Variants in PRIM2 observed in about 807,000 individuals in gnomAD.
The protein encoded by PRIM2 is DNA primase subunit 2.
A neutral mutation model predicts 67.3 loss-of-function variants in PRIM2; 39 were observed. The observed-to-expected ratio is 0.58, with a 90% CI of 0.45 to 0.76. The LOEUF is 0.76. PRIM2 is among the 30% of genes least tolerant of loss of function. The probability of loss-of-function intolerance (pLI) is 0.00; values close to 1 mark genes in which losing one functional copy is unlikely to be tolerated. For missense variants in PRIM2, 398 were observed against 598.7 expected (o/e 0.66, Z 3.50); for synonymous variants, 143 against 198.7 (o/e 0.72, Z 2.36).
chr6:57,240,301 A>G, the PRIM2 span, among the ~76,000 whole-genome samples: 3 of 151,912 alleles, frequency 2.0e-5, no homozygotes, highest in South Asian at 2.1e-4. Flanking sequence ...GGGCTTCTCT[A>G]TGTTGGTTAG....
intron 5 of PRIM2, among the ~76,000 whole-genome samples, chr6:57,358,452 C>T (rs1383217112): frequency 6.6e-6 from 1 of 152,160 alleles, no homozygotes; most frequent in Non-Finnish European, 1.5e-5. Flanking sequence ...CAAAATCCTT[C>T]AAGAAGGTTG....
chr6:57,444,539 C>A (rs533678114), intron 7 of PRIM2, among the ~76,000 whole-genome samples: 29 of 150,872 alleles, frequency 1.9e-4, no homozygotes, highest in Admixed American at 1.8e-3. Flanking sequence ...TGCATTCCAG[C>A]CTGGGTGACA....
chr6:57,251,225 T>G, the PRIM2 span, among the ~76,000 whole-genome samples: 1 of 152,192 alleles, frequency 6.6e-6, no homozygotes, highest in Non-Finnish European at 1.5e-5. Flanking sequence ...TAGACAAGAT[T>G]TTTAAAAAAA....
At chr6:57,239,101 C>T in the PRIM2 span, among the ~76,000 whole-genome samples, 1 of 152,126 alleles carries the variant, frequency 6.6e-6, no homozygotes, top group Non-Finnish European at 1.5e-5. Context: ...AGCGATTCTC[C>T]TGCCTCCACA....
intron 5 of PRIM2, among the ~76,000 whole-genome samples, chr6:57,357,293 C>T (rs1769060765): frequency 6.6e-6 from 1 of 152,104 alleles, no homozygotes; most frequent in African/African-American, 2.4e-5. Flanking sequence ...TATGCTACAG[C>T]CCCTCCCCAA....
chr6:57,534,684 A>G (rs1168612537), intron 9 of PRIM2, among the ~76,000 whole-genome samples: 12 of 152,146 alleles, frequency 7.9e-5, no homozygotes, highest in African/African-American at 2.4e-4. Context: ...ACTTAAATCC[A>G]AACTCATGTT....
At position 57,324,278 on chromosome 6, in the gene PRIM2, G is replaced by A. The variant is rs1767765313; in HGVS notation, c.336G>A (p.Gln112=). The A allele has an allele frequency of 6.3e-7, 1 of 1,578,308 alleles. No homozygotes were observed. Among genetic ancestry groups the A allele is most frequent in the Non-Finnish European group, 8.7e-7 (1 of 1,153,804 alleles). ...SHFILRLAYC[Q]SEELRRWFIQ... ...TTATTTTGCGGCTTGCTTATTGCCA[G>A]TCGTAAGTATATGTTTATATTCTCA... is the stretch of plus-strand genomic sequence containing the variant. The change falls in exon 4 of 14, where the codon CAG becomes CAA. Residue 112 remains glutamine (Q), a splice_region_variant and synonymous_variant. Transcript: ENST00000615550.
chr6:57,321,175 C>G (rs1043169771), intron 3 of PRIM2, among the ~76,000 whole-genome samples: 7 of 152,094 alleles, frequency 4.6e-5, no homozygotes, highest in Non-Finnish European at 1.0e-4. Context: ...AAGGTAGAAT[C>G]AAAAGGTTTT....
intron 5 of PRIM2, among the ~76,000 whole-genome samples, chr6:57,342,889 C>T (rs1021634139): frequency 6.6e-5 from 10 of 152,154 alleles, no homozygotes; most frequent in African/African-American, 2.4e-4. Context: ...TATCCTGAGC[C>T]TGACATCTAA....
the PRIM2 span, among the ~76,000 whole-genome samples, chr6:57,277,776 C>T: frequency 2.0e-5 from 3 of 151,606 alleles, no homozygotes; most frequent in African/African-American, 7.3e-5. Flanking sequence ...GTCAGGAGAT[C>T]GAGACCATCC....
At chr6:57,495,204 T>C (rs1292603528) in intron 7 of PRIM2, among the ~76,000 whole-genome samples, 7 of 152,200 alleles carry the variant, frequency 4.6e-5, no homozygotes, top group Non-Finnish European at 7.3e-5. Flanking sequence ...AAAGAAAAAC[T>C]GTAGTATTAG....
At chr6:57,441,207 A>G (rs1772193771) in intron 7 of PRIM2, among the ~76,000 whole-genome samples, 1 of 152,170 alleles carries the variant, frequency 6.6e-6, no homozygotes, top group Admixed American at 6.5e-5. Flanking sequence ...GAGAAGCCCA[A>G]TCAAGAAGAT....
intron 7 of PRIM2, among the ~76,000 whole-genome samples, chr6:57,404,722 A>G (rs1770824848): frequency 1.3e-5 from 2 of 151,210 alleles, no homozygotes; most frequent in African/African-American, 4.9e-5. Flanking sequence ...TTGCTTCAAA[A>G]TTTATGATGC....
At chr6:57,402,177 A>G (rs1028021084) in intron 7 of PRIM2, among the ~76,000 whole-genome samples, 1 of 152,164 alleles carries the variant, frequency 6.6e-6, no homozygotes, top group Non-Finnish European at 1.5e-5. Flanking sequence ...GTCACCTTGG[A>G]TTTTCCAGTA....
the PRIM2 span, among the ~76,000 whole-genome samples, chr6:57,227,641 C>CAAA: frequency 8.2e-4 from 69 of 83,986 alleles, no homozygotes; most frequent in Non-Finnish European, 1.2e-3. Flanking sequence ...GAGACCATCT[C>CAAA]AAAAAAAAAA....
the PRIM2 span, among the ~76,000 whole-genome samples, chr6:57,257,700 C>T: frequency 6.6e-6 from 1 of 152,124 alleles, no homozygotes; most frequent in Non-Finnish European, 1.5e-5. Context: ...TCTAACTGTA[C>T]CCTGGGGCAA....
At chr6:57,630,334 T>C (rs1777019874) in intron 12 of PRIM2, among the ~76,000 whole-genome samples, 1 of 152,146 alleles carries the variant, frequency 6.6e-6, no homozygotes, top group Non-Finnish European at 1.5e-5. Context: ...GGAAGAGCCC[T>C]CTCTGCGAGT....
the PRIM2 span, among the ~76,000 whole-genome samples, chr6:57,270,853 A>G: frequency 1.2e-4 from 19 of 152,206 alleles, no homozygotes; most frequent in African/African-American, 3.4e-4. Context: ...GTTGAATTTT[A>G]TCAAAGGCCT....
chr6:57,291,086 AATAG>A, the PRIM2 span, among the ~76,000 whole-genome samples: 3 of 152,222 alleles, frequency 2.0e-5, no homozygotes, highest in Admixed American at 6.5e-5. Flanking sequence ...AAGATCAACA[AATAG>A]ATAGACCACT....
Sources: gnomAD v4.1 joint callset for allele counts (sites outside exome capture counted in the v4.1 genomes callset) on GRCh38, gnomAD v4.1.1 for gene constraint, MANE v1.5 for transcripts, NCBI Gene and HGNC (gene_info 2026-07-23, HGNC 2026-07-21) for gene names.